Variants in ATG7 observed in about 807,000 individuals in gnomAD.
ATG7 encodes the protein autophagy related 7.
A neutral mutation model predicts 82.4 loss-of-function variants in ATG7; 70 were observed. The ratio of observed to expected loss-of-function variants is 0.85; its 90% confidence interval spans 0.70 to 1.04. The LOEUF is 1.04. ATG7 is among the 50% of genes least tolerant of loss of function. ATG7 has a pLI of 0.00. For missense variants in ATG7, 792 were observed against 864.3 expected (o/e 0.92, Z 1.05); for synonymous variants, 287 against 313.0 (o/e 0.92, Z 0.88).
At chr3:11,535,722 G>T (rs1220251879) in intron 20 of ATG7, among the ~76,000 whole-genome samples, 4 of 152,148 alleles carry the variant, frequency 2.6e-5, no homozygotes, top group Admixed American at 6.5e-5. Context: ...GGCGTGCGCT[G>T]GGGGGAGAAC....
Position 11,306,990 on chromosome 3 carries a change from A to G in ATG7, c.263A>G (p.Tyr88Cys), listed in dbSNP as rs186412421. The G allele has an allele frequency of 1.1e-5, 18 of 1,614,108 alleles. No homozygotes were observed. In the South Asian group the frequency reaches 1.4e-4, roughly 13 times the overall value. ...ARCCPAIGTL[Y>C]NTNTLESFKT... ...TGCTGCCCAGCTATTGGAACACTGT[A>G]TAACACCAACACACTCGAGTCTTTC... Residue 88 changes from tyrosine to cysteine, a missense_variant, in exon 6 of 21, where the codon TAT becomes TGT. Tyr to Cys is a radical substitution (Grantham distance 194). Coordinates refer to ENST00000693202, the MANE Select transcript of ATG7 (RefSeq NM_001349232.2).
intron 20 of ATG7, among the ~76,000 whole-genome samples, chr3:11,429,088 A>G (rs1006381615): frequency 9.2e-5 from 14 of 152,214 alleles, no homozygotes; most frequent in African/African-American, 2.9e-4. Flanking sequence ...GTCACATCAA[A>G]TTTTAGATTA....
chr3:11,382,285 TAG>T (rs1156772747), intron 19 of ATG7, among the ~76,000 whole-genome samples: 164 of 152,116 alleles, frequency 1.1e-3, no homozygotes, highest in African/African-American at 3.5e-3. Context: ...CACATATATA[TAG>T]AGAGAGAGAG....
chr3:11,511,761 C>T (rs764650391), intron 20 of ATG7, among the ~76,000 whole-genome samples: 1 of 152,168 alleles, frequency 6.6e-6, no homozygotes, highest in Non-Finnish European at 1.5e-5. Context: ...AGCTAAGGCC[C>T]AGCGAGAAAT....
chr3:11,349,631 A>G (rs1409279182), intron 14 of ATG7, among the ~76,000 whole-genome samples: 1 of 152,226 alleles, frequency 6.6e-6, no homozygotes, highest in Non-Finnish European at 1.5e-5. Context: ...GTTGCACAGC[A>G]TTATGAGTTT....
intron 17 of ATG7, among the ~76,000 whole-genome samples, chr3:11,363,894 C>T (rs1257332473): frequency 6.6e-6 from 1 of 152,184 alleles, no homozygotes; most frequent in African/African-American, 2.4e-5. Context: ...AGTATGGGTA[C>T]TCTGAGATAA....
Position 11,364,705 on chromosome 3 carries a change from C to G in ATG7, c.1846C>G (p.Pro616Ala). ...CAGTGACGATCGGATGAATGAGCCT[C>G]CAACCTCTCTTGGGCTTGTGCCTCA... Reference protein sequence around the residue: ...SSSDDRMNEPPTSLGLVPHQI... With the variant: ...SSSDDRMNEPATSLGLVPHQI... The change falls in exon 18 of 21, where the codon CCA (proline) becomes GCA (alanine). Residue 616 changes from proline to alanine, a missense_variant. Coordinates refer to ENST00000693202, the MANE Select transcript of ATG7 (RefSeq NM_001349232.2). 1 of 1,614,182 alleles carries G rather than the reference C, an allele frequency of 6.2e-7. No individual in the cohort carries two copies. Among genetic ancestry groups the G allele is most frequent in the Admixed American group, 1.7e-5 (1 of 60,026 alleles).
chr3:11,304,053 T>G (rs1343995699), intron 5 of ATG7, among the ~76,000 whole-genome samples: 1 of 152,116 alleles, frequency 6.6e-6, no homozygotes, highest in Non-Finnish European at 1.5e-5. Context: ...ATCGCACGAC[T>G]GCACTCCAGC....
In ATG7 at chr3:11,507,632, T is replaced by C. The variant is rs193285978; in HGVS notation, c.2080-47179T>C. On this transcript the variant is annotated intron_variant, in intron 20 of 20. Coordinates refer to ENST00000693202, the MANE Select transcript of ATG7 (RefSeq NM_001349232.2). The stretch of plus-strand genomic sequence containing the variant: ...AAGGAAATGCTAAAGTTATGGGTGT[T>C]TTTTGTTTTTGTTTTTGTTTTTGTT... Among the ~76,000 whole-genome samples, 403 of 150,992 alleles carry C rather than the reference T, an allele frequency of 2.7e-3. 4 individuals carry two copies. Among genetic ancestry groups the C allele is most frequent in the Non-Finnish European group, 7.5e-4 (51 of 67,856 alleles).
chr3:11,559,236 G>A, downstream of ATG7: 1 of 1,446,212 alleles, frequency 6.9e-7, no homozygotes, highest in South Asian at 1.5e-5. Context: ...CAATAGATGG[G>A]CTCAGGGGCG....
Position 11,554,876 on chromosome 3 carries a change from G to A in ATG7, c.*33G>A. The A allele has an allele frequency of 2.5e-6, 4 of 1,608,020 alleles. No homozygotes were observed. The East Asian group carries it at 6.7e-5, about 27-fold the overall frequency. On this transcript the variant is annotated 3_prime_UTR_variant, in exon 21 of 21. Transcript: ENST00000693202. Reference sequence around the variant, plus strand: ...CCGCTGTGGGGCTGACTTCTCCCCGGCCGCCTGCTGAGGAGCTCTCCATCG... The same window carrying A: ...CCGCTGTGGGGCTGACTTCTCCCCGACCGCCTGCTGAGGAGCTCTCCATCG...
chr3:11,573,291 GA>G, the ATG7 span, among the ~76,000 whole-genome samples: 31 of 10,922 alleles, frequency 2.8e-3, 5 homozygotes, highest in African/African-American at 0.021. Flanking sequence ...AAGAAAGAAA[GA>G]AAGAAAGAAA....
chr3:11,478,748 T>C (rs557443068), intron 20 of ATG7, among the ~76,000 whole-genome samples: 181 of 152,292 alleles, frequency 1.2e-3, no homozygotes, highest in African/African-American at 3.8e-3. Flanking sequence ...CTAATCAGTC[T>C]TCCTTATGGA....
Position 11,298,803 on chromosome 3 carries a change from C to T in ATG7, c.108C>T (p.Asn36=), listed in dbSNP as rs1029656328. 22 of 1,613,984 alleles carry T rather than the reference C, an allele frequency of 1.4e-5. No homozygotes were observed. Among genetic ancestry groups the T allele is most frequent in the Admixed American group, 6.7e-5 (4 of 59,998 alleles). ...ATGAGTTGACCCAGAAGAAGCTGAA[C>T]GAGTATCGGCTGGATGAAGCTCCCA... is the stretch of plus-strand genomic sequence containing the variant. ...FWHELTQKKL[N]EYRLDEAPKD... Residue 36 remains asparagine, a synonymous_variant, in exon 4 of 21, where the codon AAC becomes AAT. Coordinates refer to ENST00000693202, the MANE Select transcript of ATG7 (RefSeq NM_001349232.2).
At chr3:11,461,496 C>T (rs2086293697) in intron 20 of ATG7, among the ~76,000 whole-genome samples, 1 of 152,148 alleles carries the variant, frequency 6.6e-6, no homozygotes, top group Non-Finnish European at 1.5e-5. Flanking sequence ...GCATTCAAAA[C>T]CTCGTTTTGC....
intron 20 of ATG7, among the ~76,000 whole-genome samples, chr3:11,490,749 A>G (rs1377291374): frequency 2.0e-5 from 3 of 152,168 alleles, no homozygotes; most frequent in Non-Finnish European, 2.9e-5. Flanking sequence ...TTGCCTGGAT[A>G]TGAAATTCTG....
intron 5 of ATG7, among the ~76,000 whole-genome samples, chr3:11,304,151 A>G (rs1947325618): frequency 6.6e-6 from 1 of 152,202 alleles, no homozygotes; most frequent in Non-Finnish European, 1.5e-5. Flanking sequence ...GAGAAATAGA[A>G]GGCATAATTC....
chr3:11,314,697 C>T (rs561373486), intron 8 of ATG7, among the ~76,000 whole-genome samples: 9 of 152,216 alleles, frequency 5.9e-5, no homozygotes, highest in African/African-American at 1.9e-4. Context: ...CACTTTGGAA[C>T]GCAGAGGTGA....
At chr3:11,508,092 T>G (rs2091843834) in intron 20 of ATG7, among the ~76,000 whole-genome samples, 1 of 152,098 alleles carries the variant, frequency 6.6e-6, no homozygotes, top group South Asian at 2.1e-4. Context: ...AAAACAAAAG[T>G]GTTTTTTCAA....
Sources: allele counts gnomAD v4.1 joint callset (sites outside exome capture counted in the v4.1 genomes callset), GRCh38; gene constraint gnomAD v4.1.1; transcripts MANE v1.5; gene names NCBI Gene and HGNC (gene_info 2026-07-23, HGNC 2026-07-21).